Variants in LOX observed in about 807,000 individuals in gnomAD.
The protein encoded by LOX is lysyl oxidase.
A neutral mutation model predicts 50.5 loss-of-function variants in LOX; 12 were observed. The ratio of observed to expected loss-of-function variants is 0.24; its 90% confidence interval spans 0.15 to 0.38. The LOEUF (loss-of-function observed/expected upper bound fraction) is 0.38, where lower values mean the gene tolerates loss of function less well. LOX is among the 10% of genes least tolerant of loss of function. The probability of loss-of-function intolerance (pLI) is 1.00; values close to 1 mark genes in which losing one functional copy is unlikely to be tolerated. For missense variants in LOX, 504 were observed against 563.8 expected (o/e 0.89, Z 1.07); for synonymous variants, 254 against 230.6 (o/e 1.10, Z -0.92).
Position 122,073,690 on chromosome 5 carries a change from TG to T in LOX, c.1035+322del, listed in dbSNP as rs564624103. On this transcript the variant is annotated intron_variant, in intron 4 of 6. Transcript: ENST00000231004. ...TGTAACAAGGACCCACACTGACCTG[TG>T]ATCATGAATAGGGGCCACATGCATA... 1.7e-3 allele frequency among the ~76,000 whole-genome samples: 252 copies of T among 152,290 alleles called. 1 individual carries two copies. The highest frequency in any genetic ancestry group is 5.8e-3 in the African/African-American group (242 of 41,566).
chr5:122,075,737 C>A (rs1222415494), intron 2 of LOX, among the ~76,000 whole-genome samples, 196 bp from the exon 3 acceptor site: 1 of 152,056 alleles, frequency 6.6e-6, no homozygotes, highest in Non-Finnish European at 1.5e-5. Context: ...TTGGAGTAGT[C>A]AGAGCTCAAT....
rs1266561783 is a variant in LOX, at chr5:122,077,953, C to T, written c.33G>A (p.Gly11=). 2 of 1,478,440 alleles carry T rather than the reference C, an allele frequency of 1.4e-6. No homozygotes were observed. The highest frequency in any genetic ancestry group is 1.8e-6 in the Non-Finnish European group (2 of 1,123,550). 91.6% of individuals were successfully genotyped at this position (1,478,440 alleles called of 1,614,324 possible). The change falls in exon 1 of 7, where the codon GGG becomes GGA. Residue 11 remains glycine (G), a synonymous_variant. Coordinates refer to ENST00000231004, the MANE Select transcript of LOX (RefSeq NM_002317.7). The surrounding 1 kb of genome is among the most constrained non-coding windows in gnomAD (Gnocchi z 4.9). MRFAWTVLLL[G]PLQLCALVHC... is the part of the protein sequence containing the mutation. Reference sequence around the variant, plus strand: ...GCACTAGCGCGCAGAGCTGCAAAGGCCCGAGCAGGAGCACGGTCCAGGCGA... The same window carrying T: ...GCACTAGCGCGCAGAGCTGCAAAGGTCCGAGCAGGAGCACGGTCCAGGCGA...
chr5:122,075,146 T>C (rs1460423942), intron 3 of LOX, among the ~76,000 whole-genome samples: 2 of 152,240 alleles, frequency 1.3e-5, no homozygotes, highest in African/African-American at 2.4e-5. Flanking sequence ...CTGTAATGCA[T>C]TGGAGTAAAT....
rs1580568976 is a variant in LOX, at chr5:122,078,167, G to T, written c.-182C>A. The T allele has an allele frequency of 3.9e-6, 2 of 511,770 alleles. No homozygotes were observed. The highest frequency in any genetic ancestry group is 7.0e-5 in the East Asian group (2 of 28,416). The allele number at this position is 511,770 out of a possible 1,614,324, so 31.7% of individuals were successfully genotyped here. On this transcript the variant is annotated 5_prime_UTR_variant, in exon 1 of 7. Coordinates refer to ENST00000231004, the MANE Select transcript of LOX (RefSeq NM_002317.7). The stretch of plus-strand genomic sequence containing the variant: ...TTCAGACCCTTCCCCAGTCAAGGCG[G>T]CTGCTCGGACGTGGCACCCTTCCCT...
intron 4 of LOX, among the ~76,000 whole-genome samples, chr5:122,071,208 TG>T (rs1754442086): frequency 6.6e-6 from 1 of 151,942 alleles, no homozygotes; most frequent in African/African-American, 2.4e-5. Context: ...TGTGTGTGTG[TG>T]TGTGTGTGTG....
At chr5:122,067,760 G>A (rs1754337521) in intron 6 of LOX, among the ~76,000 whole-genome samples, 2 of 152,098 alleles carry the variant, frequency 1.3e-5, no homozygotes, top group South Asian at 4.1e-4. Flanking sequence ...AACATGCCCT[G>A]CAGTTTCCTC....
Position 122,078,121 on chromosome 5 carries a change from C to CCTTGGCATTGCTTGGTGGAG in LOX, c.-137_-136insCTCCACCAAGCAATGCCAAG. On this transcript the variant is annotated 5_prime_UTR_variant, in exon 1 of 7. In the 5' UTR this introduces an upstream ATG that the reference lacks. Transcript: ENST00000231004. Reference sequence around the variant, plus strand: ...GGAGCACGGGTATCTCAGTCTCCACCAAGCAATGCCAAGGGTGGGATTCAG... The same window carrying CCTTGGCATTGCTTGGTGGAG: ...GGAGCACGGGTATCTCAGTCTCCACCCTTGGCATTGCTTGGTGGAGAAGCAATGCCAAGGGTGGGATTCAG... The CCTTGGCATTGCTTGGTGGAG allele has an allele frequency of 1.3e-6, 1 of 744,494 alleles. No homozygotes were observed. The highest frequency in any genetic ancestry group is 1.9e-6 in the Non-Finnish European group (1 of 513,230). The allele number at this position is 744,494 out of a possible 1,614,324, so 46.1% of individuals were successfully genotyped here. A position where few individuals can be genotyped will look rare whatever the true frequency, so the allele number is the denominator to read the frequency against.
Position 122,066,009 on chromosome 5 carries a change from A to G in LOX, c.*734T>C, listed in dbSNP as rs1754290121. The G allele has an allele frequency of 6.6e-6, 1 of 152,098 alleles. No homozygotes were observed. The highest frequency in any genetic ancestry group is 1.5e-5 in the Non-Finnish European group (1 of 68,000). 9.4% of individuals were successfully genotyped at this position (152,098 alleles called of 1,614,324 possible). On this transcript the variant is annotated 3_prime_UTR_variant, in exon 7 of 7. Coordinates refer to ENST00000231004, the MANE Select transcript of LOX (RefSeq NM_002317.7). ...GCCCATGGGAAAGATAAAATGATAG[A>G]GGGCAGCCTCAAGAAATATCAGACA...
At position 122,076,999 on chromosome 5, in the gene LOX, G is replaced by T. The variant is rs758722282; in HGVS notation, c.634C>A (p.Leu212Ile). The T allele has an allele frequency of 2.5e-6, 4 of 1,613,126 alleles. No individual in the cohort carries two copies. The South Asian group carries it at 4.4e-5, about 18-fold the overall frequency. Reference sequence around the variant, plus strand: ...TAGGGGTCGGCCACCAGGTCTGGGAGACCTAAACGTCAGCAGGCGACGGGC... The same window carrying T: ...TAGGGGTCGGCCACCAGGTCTGGGATACCTAAACGTCAGCAGGCGACGGGC... ...GYGTGYFQYG[L>I]PDLVADPYYI... The change falls in exon 2 of 7, where the codon CTC becomes ATC. Residue 212 changes from leucine to isoleucine, a missense_variant and splice_region_variant. By Grantham distance (5) the Leu-to-Ile change is conservative. This residue lies in a region of LOX where 398 missense variants were observed against 365.8 expected (regional missense o/e 1.09). Coordinates refer to ENST00000231004, the MANE Select transcript of LOX (RefSeq NM_002317.7).
chr5:122,069,702 G>A (rs6879333), intron 6 of LOX, among the ~76,000 whole-genome samples: 3,868 of 152,128 alleles, frequency 0.025, 174 homozygotes, highest in African/African-American at 0.088. Context: ...CAGGGACTGC[G>A]AGGAAGGGGC....
At chr5:122,068,033 A>G (rs1754345512) in intron 6 of LOX, among the ~76,000 whole-genome samples, 1 of 151,950 alleles carries the variant, frequency 6.6e-6, no homozygotes. Context: ...TTTCCCCAAT[A>G]TTTCCACTCA....
Position 122,077,878 on chromosome 5 carries a change from C to T in LOX, c.108G>A (p.Pro36=), listed in dbSNP as rs949918933. The change falls in exon 1 of 7, where the codon CCG becomes CCA. Residue 36 remains proline, a synonymous_variant. Coordinates refer to ENST00000231004, the MANE Select transcript of LOX (RefSeq NM_002317.7). This position sits in a 1 kb window ranked among gnomAD's most constrained non-coding sequence, Gnocchi z 4.9. ...GCTGGCGCCAGGCGCCCGGAGCCGC[C>T]GGCGGCTCGCGCGGGGGCTGCTGTT... The part of the protein sequence containing the change: ...AGQQQPPREP[P]AAPGAWRQQI... The T allele has an allele frequency of 2.0e-6, 3 of 1,535,516 alleles. No homozygotes were observed. The highest frequency in any genetic ancestry group is 2.5e-5 in the East Asian group (1 of 39,622).
rs1402327326 is a variant in LOX, at chr5:122,077,830, C to T, written c.156G>A (p.Gly52=). ...WRQQIQWENN[G]QVFSLLSLGS... Reference sequence around the variant, plus strand: ...CCAGGCTCAGCAAGCTGAACACCTGCCCGTTGTTCTCCCATTGGATCTGCT... The same window carrying T: ...CCAGGCTCAGCAAGCTGAACACCTGTCCGTTGTTCTCCCATTGGATCTGCT... The change falls in exon 1 of 7, where the codon GGG becomes GGA. Residue 52 remains glycine, a synonymous_variant. Coordinates refer to ENST00000231004, the MANE Select transcript of LOX (RefSeq NM_002317.7). The surrounding 1 kb of genome is among the most constrained non-coding windows in gnomAD (Gnocchi z 4.9). The T allele has an allele frequency of 6.4e-7, 1 of 1,552,200 alleles. No individual in the cohort carries two copies. The highest frequency in any genetic ancestry group is 8.7e-7 in the Non-Finnish European group (1 of 1,154,006).
chr5:122,072,163 G>A (rs1025165282), intron 4 of LOX, among the ~76,000 whole-genome samples: 3 of 152,070 alleles, frequency 2.0e-5, no homozygotes, highest in South Asian at 2.1e-4. Flanking sequence ...TTTAAGATGG[G>A]TTTACATAAT....
intron 4 of LOX, among the ~76,000 whole-genome samples, chr5:122,072,292 G>T (rs1754473369): frequency 6.6e-6 from 1 of 152,150 alleles, no homozygotes; most frequent in African/African-American, 2.4e-5. Context: ...GCACAAGCAA[G>T]CAAAAACGAG....
chr5:122,073,887 C>G (rs193294675), intron 4 of LOX, 126 bp downstream of exon 4: 1 of 842,868 alleles, frequency 1.2e-6, no homozygotes, highest in East Asian at 2.4e-5. Flanking sequence ...TCTTTGAGAA[C>G]AGTCTCTGTA....
chr5:122,068,451 C>G (rs1754360753), intron 6 of LOX, among the ~76,000 whole-genome samples: 2 of 152,022 alleles, frequency 1.3e-5, no homozygotes, highest in South Asian at 4.1e-4. Flanking sequence ...TTATTTTATC[C>G]CTCATGAAAC....
chr5:122,075,675 G>A (rs1406812482), intron 2 of LOX, 134 bp from the exon 3 acceptor site: 3 of 565,024 alleles, frequency 5.3e-6, no homozygotes, highest in Non-Finnish European at 8.5e-6. Context: ...AAGAGTCTAA[G>A]GCATTTTGTT....
In LOX at chr5:122,070,078, A is replaced by G. The variant is rs765126342; in HGVS notation, c.1222T>C (p.Tyr408His). The change falls in exon 6 of 7, where the codon TAT (tyrosine) becomes CAT (histidine). Residue 408 changes from tyrosine to histidine, a missense_variant. Transcript: ENST00000231004. ...GGTGAAATTGTGCAGCCTGAGGCAT[A>G]CGCATGATGTCCTGTGTAGCGAATG... ...CDIRYTGHHA[Y>H]ASGCTISPY 75 of 1,612,400 alleles carry G rather than the reference A, an allele frequency of 4.7e-5. No homozygotes were observed. The highest frequency in any genetic ancestry group is 3.8e-5 in the Non-Finnish European group (45 of 1,178,724).
Sources: gnomAD v4.1 joint callset for allele counts (sites outside exome capture counted in the v4.1 genomes callset) on GRCh38, gnomAD v4.1.1 for gene constraint, gnomAD v4.1.1 regional missense constraint, Gnocchi (gnomAD v3.1) non-coding constraint, MANE v1.5 for transcripts, NCBI Gene and HGNC (gene_info 2026-07-23, HGNC 2026-07-21) for gene names.